Variants in MMS22L observed in about 807,000 individuals in gnomAD.
The protein encoded by MMS22L is protein MMS22-like.
In MMS22L, 74 loss-of-function variants were observed where a neutral mutation model predicts 159.1. That is an observed-to-expected ratio of 0.47 (90% CI 0.39 to 0.56). The LOEUF (loss-of-function observed/expected upper bound fraction) is 0.56, where lower values mean the gene tolerates loss of function less well. Ranked by LOEUF, MMS22L falls within the 20% of genes least tolerant of loss-of-function variation. The pLI, the probability that MMS22L is intolerant of heterozygous loss-of-function variation, is 0.00. For synonymous variants in MMS22L, 517 were observed against 506.9 expected (o/e 1.02, Z -0.27); for missense variants, 1,351 against 1,422.1 (o/e 0.95, Z 0.80).
chr6:97,236,323 CAAAA>C (rs58792910), intron 11 of MMS22L, among the ~76,000 whole-genome samples: 7 of 94,612 alleles, frequency 7.4e-5, no homozygotes, highest in Middle Eastern at 5.0e-3. Context: ...ACTCTTTCTC[CAAAA>C]AAAAAAAAAA....
chr6:97,280,791 T>C (rs1816691802), intron 3 of MMS22L, among the ~76,000 whole-genome samples: 1 of 151,980 alleles, frequency 6.6e-6, no homozygotes, highest in Admixed American at 6.6e-5. Flanking sequence ...AAGGAGGGTA[T>C]ATGGATGTTC....
intron 14 of MMS22L, among the ~76,000 whole-genome samples, chr6:97,225,586 CTTTT>C (rs1810149039): frequency 7.3e-6 from 1 of 136,614 alleles, no homozygotes. Flanking sequence ...TTTTTTTTTT[CTTTT>C]GAGACCCAGT....
At position 97,254,428 on chromosome 6, in the gene MMS22L, T is replaced by C. The variant is rs1037361213; in HGVS notation, c.1119+129A>G. ...TTTCAAGATGTTTACAGAAACATTA[T>C]ACATAAATAATTTATCTCTGTGATT... On this transcript the variant is annotated intron_variant, in intron 10 of 24. Coordinates refer to ENST00000683635, the MANE Select transcript of MMS22L (RefSeq NM_001350599.2). The C allele has an allele frequency of 3.1e-5, 20 of 638,958 alleles. No homozygotes were observed. The South Asian group carries it at 3.2e-4, about 10-fold the overall frequency. 39.6% of individuals were successfully genotyped at this position (638,958 alleles called of 1,614,324 possible).
intron 10 of MMS22L, among the ~76,000 whole-genome samples, chr6:97,247,197 C>T (rs1459585064): frequency 6.6e-6 from 1 of 151,906 alleles, no homozygotes; most frequent in African/African-American, 2.4e-5. Context: ...AGAATGATTT[C>T]CATAAGGAAG....
chr6:97,145,256 C>G lies in MMS22L; in HGVS notation c.*1550G>C, dbSNP rs1051602216. 3 of 152,044 alleles carry G rather than the reference C, an allele frequency of 2.0e-5. No homozygotes were observed. Among genetic ancestry groups the G allele is most frequent in the Admixed American group, 2.0e-4 (3 of 15,268 alleles). The allele number at this position is 152,044 out of a possible 1,614,324, so 9.4% of individuals were successfully genotyped here. On this transcript the variant is annotated 3_prime_UTR_variant, in exon 25 of 25. Transcript: ENST00000683635. ...CTTTCATTTATTCCCTTTGATGAAG[C>G]TGATTTGAGAGAAGGACCATTTATA...
At chr6:97,248,229 C>T (rs1448356907) in intron 10 of MMS22L, among the ~76,000 whole-genome samples, 2 of 152,208 alleles carry the variant, frequency 1.3e-5, no homozygotes, top group Non-Finnish European at 2.9e-5. Context: ...AACTGAAGCA[C>T]TGTGCCAACT....
At chr6:97,224,801 T>A (rs548253288) in intron 14 of MMS22L, among the ~76,000 whole-genome samples, 1 of 152,084 alleles carries the variant, frequency 6.6e-6, no homozygotes, top group Non-Finnish European at 1.5e-5. Flanking sequence ...ATAAAGACTG[T>A]ATAAGCCATT....
intron 6 of MMS22L, chr6:97,270,274 T>A: frequency 1.8e-6 from 1 of 551,736 alleles, no homozygotes; most frequent in South Asian, 1.5e-5. Context: ...AACCTCTGAT[T>A]CTACTACAGC....
At position 97,147,494 on chromosome 6, in the gene MMS22L, G is replaced by A. The variant is rs560861623; in HGVS notation, c.3651-607C>T. Reference sequence around the variant, plus strand: ...GAATCTTTAGAACCAAACTTCTTATGGGCCTGCATAACCACACAAGGTAGT... The same window carrying A: ...GAATCTTTAGAACCAAACTTCTTATAGGCCTGCATAACCACACAAGGTAGT... On this transcript the variant is annotated intron_variant, in intron 24 of 24. Transcript: ENST00000683635. 4.6e-5 allele frequency among the ~76,000 whole-genome samples: 7 copies of A among 152,226 alleles called. No individual in the cohort carries two copies. The East Asian group carries it at 1.4e-3, about 29-fold the overall frequency.
At chr6:97,221,392 C>G (rs1008120249) in intron 14 of MMS22L, among the ~76,000 whole-genome samples, 4 of 151,780 alleles carry the variant, frequency 2.6e-5, no homozygotes, top group Non-Finnish European at 5.9e-5. Context: ...CAGCAAAACA[C>G]AAAAAAGTGG....
intron 11 of MMS22L, 60 bp downstream of exon 11, chr6:97,246,568 T>C: frequency 1.4e-6 from 2 of 1,399,158 alleles, no homozygotes; most frequent in Non-Finnish European, 2.0e-6. Flanking sequence ...GTTTTAAAAA[T>C]AAAATTTGTA....
intron 3 of MMS22L, among the ~76,000 whole-genome samples, chr6:97,280,414 C>T (rs750362689): frequency 1.3e-5 from 2 of 151,958 alleles, no homozygotes; most frequent in African/African-American, 2.4e-5. Context: ...ATCACTGCAA[C>T]CTCCGCCTCC....
At chr6:97,206,930 T>TG (rs1331424006) in intron 14 of MMS22L, among the ~76,000 whole-genome samples, 1 of 152,154 alleles carries the variant, frequency 6.6e-6, no homozygotes, top group Non-Finnish European at 1.5e-5. Flanking sequence ...AACACTACCT[T>TG]GGAGCTCTTT....
At chr6:97,214,251 C>T (rs1234234933) in intron 14 of MMS22L, among the ~76,000 whole-genome samples, 1 of 152,174 alleles carries the variant, frequency 6.6e-6, no homozygotes, top group Admixed American at 6.5e-5. Context: ...ACATTCCCCA[C>T]AGCCTTGTAT....
At chr6:97,233,393 A>C (rs1811071296) in intron 12 of MMS22L, among the ~76,000 whole-genome samples, 1 of 152,090 alleles carries the variant, frequency 6.6e-6, no homozygotes, top group Non-Finnish European at 1.5e-5. Flanking sequence ...GACCTCATGA[A>C]GTCTTCCACA....
At chr6:97,158,340 T>C (rs1230281990) in intron 22 of MMS22L, among the ~76,000 whole-genome samples, 1 of 152,194 alleles carries the variant, frequency 6.6e-6, no homozygotes, top group East Asian at 1.9e-4. Flanking sequence ...TAGTTATTTC[T>C]TGTCTTCTGC....
rs377611278 is a variant in MMS22L at position 97,204,671 on chromosome 6, T to C, written c.2040-17981A>G. ...GGGGGTGGGCATGGTGGCATGCACC[T>C]GTAGTCCCAGCTACTCGGGAGCCTG... is the stretch of plus-strand genomic sequence containing the variant. On this transcript the variant is annotated intron_variant, in intron 14 of 24. Coordinates refer to ENST00000683635, the MANE Select transcript of MMS22L (RefSeq NM_001350599.2). Among the ~76,000 whole-genome samples the C allele has an allele frequency of 4.0e-5, 6 of 151,730 alleles. No homozygotes were observed. The East Asian group carries it at 1.2e-3, about 30-fold the overall frequency.
intron 18 of MMS22L, among the ~76,000 whole-genome samples, chr6:97,176,538 T>G (rs779187409): frequency 4.6e-5 from 7 of 152,102 alleles, no homozygotes; most frequent in Non-Finnish European, 8.8e-5. Flanking sequence ...CTTCCTACAA[T>G]TCCTTGATCC....
intron 14 of MMS22L, among the ~76,000 whole-genome samples, chr6:97,198,788 G>C (rs1473444933): frequency 6.6e-6 from 1 of 152,128 alleles, no homozygotes; most frequent in African/African-American, 2.4e-5. Context: ...ATGAATTTCA[G>C]AGATAAGGGT....
Sources: allele counts gnomAD v4.1 joint callset (sites outside exome capture counted in the v4.1 genomes callset), GRCh38; gene constraint gnomAD v4.1.1; transcripts MANE v1.5; gene names NCBI Gene and HGNC (gene_info 2026-07-23, HGNC 2026-07-21).